The following HK3 variants were observed in gnomAD, a reference collection of about 807,000 sequenced individuals.
The protein encoded by HK3 is hexokinase-3.
HK3 carries 93 observed loss-of-function variants against 91.0 expected under a neutral mutation model. The ratio of observed to expected loss-of-function variants is 1.02; its 90% CI spans 0.86 to 1.21. The LOEUF (loss-of-function observed/expected upper bound fraction) is 1.21, where lower values mean the gene tolerates loss of function less well. Among genes scored for constraint, HK3 ranks in the 50% most tolerant of loss-of-function variants. The pLI is 0.00. For missense variants in HK3, 1,235 were observed against 1,247.4 expected, an observed-to-expected ratio of 0.99 and a Z score of 0.15; for synonymous variants, 519 against 516.9, an observed-to-expected ratio of 1.00 and a Z score of -0.06.
At chr5:176,883,112 C>T (rs1027047721) in intron 15 of HK3, among the ~76,000 whole-genome samples, 3 of 152,220 alleles carry the variant, frequency 2.0e-5, no homozygotes, top group African/African-American at 7.2e-5. Flanking sequence ...AGAATCAAGT[C>T]ACTCTCTGAC....
Position 176,883,851 on chromosome 5 carries a change from C to G in HK3, c.1972G>C (p.Val658Leu). 6.2e-7 allele frequency: 1 copy of G among 1,614,092 alleles called. No individual in the cohort carries two copies. Among genetic ancestry groups the G allele is most frequent in the Non-Finnish European group, 8.5e-7 (1 of 1,179,996 alleles). Residue 658 changes from valine (V) to leucine (L), a missense_variant, in exon 15 of 19, where the codon GTT (valine) becomes CTT (leucine). Val to Leu is a conservative substitution (Grantham distance 32, BLOSUM62 1). Transcript: ENST00000292432. The stretch of plus-strand genomic sequence containing the variant: ...CCCACCGTGTCATTGACAATGGCAA[C>G]CACATTCAGCTCCACTGCCTGCACA... ...TRRQAVELNV[V>L]AIVNDTVGTM...
At position 176,881,217 on chromosome 5, in the gene HK3, G is replaced by A. The variant is rs372540366; in HGVS notation, c.2628C>T (p.Arg876=). 7.7e-5 allele frequency: 124 copies of A among 1,613,068 alleles called. No individual in the cohort carries two copies. Among genetic ancestry groups the A allele is most frequent in the Admixed American group, 1.0e-4 (6 of 59,978 alleles). Residue 876 remains arginine, a splice_region_variant and synonymous_variant, in exon 19 of 19, where the codon CGC becomes CGT. Coordinates refer to ENST00000292432, the MANE Select transcript of HK3 (RefSeq NM_002115.3). ...VDGTLYKLHP[R]FSSLVAATVR... is the part of the protein sequence containing the mutation. ...CTGTGGCCGCCACCAGGCTGGAGAA[G>A]CTGTGAGAGGAGGGCTGAGGTGAGC... is the stretch of plus-strand genomic sequence containing the variant.
At position 176,883,046 on chromosome 5, in the gene HK3, C is replaced by G. The variant is rs576861939; in HGVS notation, c.2053+724G>C. On this transcript the variant is annotated intron_variant, in intron 15 of 18. Transcript: ENST00000292432. ...TCCTTTCTTTCAGGGCTTTCAAGTTCCACTCATCCTGGGACCCACTCCTTC... is the reference window on the plus strand; with the variant it reads ...TCCTTTCTTTCAGGGCTTTCAAGTTGCACTCATCCTGGGACCCACTCCTTC... Among the ~76,000 whole-genome samples, 20 of 152,326 alleles carry G rather than the reference C, an allele frequency of 1.3e-4. No homozygotes were observed. The South Asian group carries it at 3.9e-3, about 30-fold the overall frequency.
chr5:176,895,762 A>G (rs1174657080), intron 2 of HK3, among the ~76,000 whole-genome samples: 1 of 152,172 alleles, frequency 6.6e-6, no homozygotes, highest in Non-Finnish European at 1.5e-5. Context: ...CGGGAGCGGC[A>G]CCTGTGTGGC....
chr5:176,887,612 C>CG lies in HK3; in HGVS notation c.1438dup (p.Arg480ProfsTer16). 1 of 1,613,724 alleles carries CG rather than the reference C, an allele frequency of 6.2e-7. No individual in the cohort carries two copies. Among genetic ancestry groups the CG allele is most frequent in the South Asian group, 1.1e-5 (1 of 91,070 alleles). ...GGCCAGGGTCTCCTCCAGCAGGCGC[C>CG]GGTGGGCAGCCAGACGGGCAGCCAC... is the stretch of plus-strand genomic sequence containing the variant. On this transcript the variant is annotated frameshift_variant, in exon 11 of 19. Coordinates refer to ENST00000292432, the MANE Select transcript of HK3 (RefSeq NM_002115.3). LOFTEE classifies it high-confidence loss of function. This position sits in a 1 kb window ranked among gnomAD's most constrained non-coding sequence, Gnocchi z 4.9.
At position 176,891,496 on chromosome 5, in the gene HK3, G is replaced by A; in HGVS notation, c.151C>T (p.Gln51Ter). ...KVTRAQLQQI[Q>*]ASLLGSMEQA... The stretch of plus-strand genomic sequence containing the variant: ...TCCATGGAACCCAAGAGGCTGGCTT[G>A]GATCTGCTGTAGCTGTGCCCTTGTC... The change falls in exon 3 of 19, where the codon CAA becomes TAA. Residue 51 changes from glutamine to a stop codon, truncating the protein, a stop_gained. Transcript: ENST00000292432. LOFTEE classifies it high-confidence loss of function. 2 of 1,614,164 alleles carry A rather than the reference G, an allele frequency of 1.2e-6. No homozygotes were observed. The highest frequency in any genetic ancestry group is 1.7e-6 in the Non-Finnish European group (2 of 1,180,024).
chr5:176,886,410 G>C (rs1450920770), intron 13 of HK3, among the ~76,000 whole-genome samples: 2 of 151,770 alleles, frequency 1.3e-5, no homozygotes, highest in Non-Finnish European at 2.9e-5. Flanking sequence ...TCAAGCAGAA[G>C]TTGGGTATGT....
rs1293797733 is a variant in HK3 at position 176,887,522 on chromosome 5, T to C, written c.1529A>G (p.Lys510Arg). Residue 510 changes from lysine to arginine, a missense_variant, in exon 11 of 19, where the codon AAG (lysine) becomes AGG (arginine). By Grantham distance (26) the Lys-to-Arg change is conservative (BLOSUM62 2). Transcript: ENST00000292432. The surrounding 1 kb of genome is among the most constrained non-coding windows in gnomAD (Gnocchi z 4.9). ...GGAGGAGGCCTCCCCTCGGAGCCCC[T>C]TGGCCATGGCCTTCCGCATCTGTGC... ...VQAQMRKAMAKGLRGEASSLR... is the reference protein window; with the variant it reads ...VQAQMRKAMARGLRGEASSLR... 3 of 1,613,656 alleles carry C rather than the reference T, an allele frequency of 1.9e-6. No homozygotes were observed. The South Asian group carries it at 3.3e-5, about 18-fold the overall frequency.
At chr5:176,898,785 T>G (rs1758968543) in intron 1 of HK3, among the ~76,000 whole-genome samples, 1 of 152,140 alleles carries the variant, frequency 6.6e-6, no homozygotes, top group African/African-American at 2.4e-5. Flanking sequence ...AAGTGAGTTT[T>G]CCTCCTGAAA....
At chr5:176,898,019 G>A (rs961114457) in intron 1 of HK3, among the ~76,000 whole-genome samples, 7 of 152,096 alleles carry the variant, frequency 4.6e-5, no homozygotes, top group Admixed American at 6.5e-5. Flanking sequence ...TCACACGGCC[G>A]TTCGGGCTGC....
In HK3 at chr5:176,890,645, C is replaced by G. The variant is rs200172239; in HGVS notation, c.620G>C (p.Arg207Pro). ...DVVQLLRDAI[R>P]RQGAYNIDVV... Reference sequence around the variant, plus strand: ...CCTCCCTCCACTCACCCCCTGCCTCCGAATGGCATCTCTCAGCAGCTGGAC... The same window carrying G: ...CCTCCCTCCACTCACCCCCTGCCTCGGAATGGCATCTCTCAGCAGCTGGAC... The change falls in exon 6 of 19, where the codon CGG becomes CCG. Residue 207 changes from arginine (R) to proline (P), a missense_variant. By Grantham distance (103) the Arg-to-Pro change is moderately radical (BLOSUM62 -2). Coordinates refer to ENST00000292432, the MANE Select transcript of HK3 (RefSeq NM_002115.3). 1.9e-6 allele frequency: 3 copies of G among 1,613,938 alleles called. No homozygotes were observed. Among genetic ancestry groups the G allele is most frequent in the Admixed American group, 1.7e-5 (1 of 60,008 alleles).
At chr5:176,889,827 T>G (rs1404095380) in intron 6 of HK3, 83 bp from the exon 7 acceptor site, 1 of 1,170,746 alleles carries the variant, frequency 8.5e-7, no homozygotes, top group East Asian at 2.3e-5. Flanking sequence ...GCTGGGGCCC[T>G]GGCTTTGAAG....
Position 176,881,166 on chromosome 5 carries a change from C to T in HK3, c.2679G>A (p.Val893=). Residue 893 remains valine, a synonymous_variant, in exon 19 of 19, where the codon GTG becomes GTA. Coordinates refer to ENST00000292432, the MANE Select transcript of HK3 (RefSeq NM_002115.3). The part of the protein sequence containing the change: ...ATVRELAPRC[V]VTFLQSEDGS... ...CATCCTCTGACTGCAGGAACGTGAC[C>T]ACACAGCGAGGGGCCAGCTCCCGCA... 6.2e-7 allele frequency: 1 copy of T among 1,613,150 alleles called. No homozygotes were observed.
intron 2 of HK3, among the ~76,000 whole-genome samples, chr5:176,893,497 AC>A (rs1298800223): frequency 4.6e-5 from 7 of 152,154 alleles, no homozygotes; most frequent in Non-Finnish European, 8.8e-5. Flanking sequence ...AATGCCAGGG[AC>A]TATGTCTTGC....
chr5:176,887,423 C>T lies in HK3; in HGVS notation c.1600+28G>A, dbSNP rs757439010. The stretch of plus-strand genomic sequence containing the variant: ...CTGGGACCCCCAGGAGCCCATGTTT[C>T]GGTCCCACACTCAGGCCAGGTCCTT... On this transcript the variant is annotated intron_variant, in intron 11 of 18. Coordinates refer to ENST00000292432, the MANE Select transcript of HK3 (RefSeq NM_002115.3). This position sits in a 1 kb window ranked among gnomAD's most constrained non-coding sequence, Gnocchi z 4.9. The T allele has an allele frequency of 8.1e-6, 13 of 1,612,284 alleles. No homozygotes were observed. The highest frequency in any genetic ancestry group is 4.5e-5 in the East Asian group (2 of 44,856).
At position 176,887,852 on chromosome 5, in the gene HK3, T is replaced by G; in HGVS notation, c.1305-106A>C. The G allele has an allele frequency of 8.0e-7, 1 of 1,252,188 alleles. No homozygotes were observed. The highest frequency in any genetic ancestry group is 2.5e-5 in the East Asian group (1 of 40,020). The allele number at this position is 1,252,188 out of a possible 1,614,324, so 77.6% of individuals were successfully genotyped here. ...CCAGATACATACAGGTGTGCCCAGC[T>G]TGGCCCCAGACCCCTAGGGCCTCCT... On this transcript the variant is annotated intron_variant, in intron 10 of 18. Transcript: ENST00000292432. This position sits in a 1 kb window ranked among gnomAD's most constrained non-coding sequence, Gnocchi z 4.9.
At chr5:176,898,744 C>T (rs1297735480) in intron 1 of HK3, among the ~76,000 whole-genome samples, 5 of 152,206 alleles carry the variant, frequency 3.3e-5, no homozygotes, top group Non-Finnish European at 7.4e-5. Context: ...CTAAGGGCCC[C>T]GTGGCTTCCC....
rs1561683690 is a variant in HK3, at chr5:176,890,642, C to A, written c.623G>T (p.Arg208Met). 2 of 1,614,060 alleles carry A rather than the reference C, an allele frequency of 1.2e-6. No homozygotes were observed. Among genetic ancestry groups the A allele is most frequent in the Non-Finnish European group, 8.5e-7 (1 of 1,179,924 alleles). ...ACCCCTCCCTCCACTCACCCCCTGC[C>A]TCCGAATGGCATCTCTCAGCAGCTG... ...VVQLLRDAIR[R>M]QGAYNIDVVA... The change falls in exon 6 of 19, where the codon AGG becomes ATG. Residue 208 changes from arginine to methionine, a missense_variant. By Grantham distance (91) the Arg-to-Met change is moderately conservative. Coordinates refer to ENST00000292432, the MANE Select transcript of HK3 (RefSeq NM_002115.3).
chr5:176,887,924 C>G lies in HK3; in HGVS notation c.1305-178G>C, dbSNP rs576893802. Among the ~76,000 whole-genome samples, 1 of 151,468 alleles carries G rather than the reference C, an allele frequency of 6.6e-6. No individual in the cohort carries two copies. The highest frequency in any genetic ancestry group is 1.5e-5 in the Non-Finnish European group (1 of 67,888). On this transcript the variant is annotated intron_variant, in intron 10 of 18. Transcript: ENST00000292432. This position sits in a 1 kb window ranked among gnomAD's most constrained non-coding sequence, Gnocchi z 4.9. ...TTTTTTTTTTTATTTTTGTAGATAT[C>G]GAGTCTTGCTCTCTCACCCAAGCTA... is the stretch of plus-strand genomic sequence containing the variant.
Sources: allele counts gnomAD v4.1 joint callset (sites outside exome capture counted in the v4.1 genomes callset), GRCh38; gene constraint gnomAD v4.1.1; non-coding constraint Gnocchi (gnomAD v3.1); transcripts MANE v1.5; gene names NCBI Gene and HGNC (gene_info 2026-07-23, HGNC 2026-07-21).